Variants in RTTN observed in about 807,000 individuals in gnomAD.
RTTN encodes rotatin.
Under a neutral mutation model 269.2 loss-of-function variants are expected in RTTN, and 182 were observed. That is an observed-to-expected ratio of 0.68 (90% CI 0.60 to 0.76). The LOEUF is 0.76. Among genes scored for constraint, RTTN ranks in the 30% least tolerant of loss-of-function variants. The pLI, the probability that RTTN is intolerant of heterozygous loss-of-function variation, is 0.00. For synonymous variants in RTTN, 1,006 were observed against 963.5 expected (o/e 1.04, Z -0.82); for missense variants, 2,545 against 2,608.6 (o/e 0.98, Z 0.53).
Position 70,024,812 on chromosome 18 carries a change from G to C in RTTN, c.5860C>G (p.His1954Asp). The stretch of plus-strand genomic sequence containing the variant: ...ATCAAAATCCAAGGCCAGAGAGAGT[G>C]CAAGACAGGGACAAGGTGAGCTTCA... Reference protein sequence around the residue: ...ALEAHLVPVLHSLWPWILMDD... With the variant: ...ALEAHLVPVLDSLWPWILMDD... Residue 1954 changes from histidine (H) to aspartate (D), a missense_variant, in exon 44 of 49, where the codon CAC (histidine) becomes GAC (aspartate). Transcript: ENST00000640769. 6.2e-7 allele frequency: 1 copy of C among 1,613,774 alleles called. No individual in the cohort carries two copies. The highest frequency in any genetic ancestry group is 8.5e-7 in the Non-Finnish European group (1 of 1,179,664).
At chr18:70,067,590 A>G (rs7229842) in intron 34 of RTTN, among the ~76,000 whole-genome samples, 9,132 of 152,314 alleles carry the variant, frequency 0.06, 326 homozygotes, top group African/African-American at 0.1. Context: ...GCCAAGACTG[A>G]TATCACAAAC....
At chr18:70,027,529 A>T (rs931322988) in intron 43 of RTTN, among the ~76,000 whole-genome samples, 25 of 152,146 alleles carry the variant, frequency 1.6e-4, no homozygotes, top group Admixed American at 1.6e-3. Context: ...TTAGCACTTC[A>T]TAAATCTTTA....
chr18:70,050,117 A>G (rs1418196782), intron 39 of RTTN, among the ~76,000 whole-genome samples: 1 of 152,202 alleles, frequency 6.6e-6, no homozygotes, highest in African/African-American at 2.4e-5. Context: ...AAAACAAACT[A>G]TCATCAGAGT....
chr18:70,010,328 T>A (rs186822279), intron 46 of RTTN, among the ~76,000 whole-genome samples: 7 of 152,316 alleles, frequency 4.6e-5, no homozygotes, highest in African/African-American at 1.4e-4. Flanking sequence ...ACTGACCACA[T>A]ACTTGGAAGT....
At chr18:70,083,186 G>C (rs187478677) in intron 32 of RTTN, among the ~76,000 whole-genome samples, 16 of 152,128 alleles carry the variant, frequency 1.1e-4, no homozygotes, top group African/African-American at 3.9e-4. Context: ...GATGTCAAGG[G>C]AAGACAGGCC....
At chr18:70,120,491 G>C (rs1326323580) in intron 26 of RTTN, among the ~76,000 whole-genome samples, 2 of 152,084 alleles carry the variant, frequency 1.3e-5, no homozygotes, top group East Asian at 3.8e-4. Context: ...TTTCGCAAAT[G>C]TGTTAATATA....
At chr18:70,195,292 CA>C (rs1230320945) in intron 7 of RTTN, among the ~76,000 whole-genome samples, 3 of 152,238 alleles carry the variant, frequency 2.0e-5, no homozygotes, top group Admixed American at 2.0e-4. Context: ...CCCTTCAGGT[CA>C]CCTCCTCTGA....
intron 22 of RTTN, 34 bp from the exon 23 acceptor site, chr18:70,134,575 C>T: frequency 6.6e-7 from 1 of 1,508,284 alleles, no homozygotes; most frequent in South Asian, 1.2e-5. Flanking sequence ...AACAAAGAAA[C>T]AACTGAGTAG....
chr18:70,190,428 T>A (rs778922048), intron 9 of RTTN, 110 bp downstream of exon 9: 267 of 671,946 alleles, frequency 4.0e-4, no homozygotes, highest in Middle Eastern at 1.5e-3. Flanking sequence ...AAAAGATAAG[T>A]AAATACAGAT....
intron 37 of RTTN, among the ~76,000 whole-genome samples, chr18:70,055,107 C>A (rs1311856500): frequency 6.6e-6 from 1 of 152,082 alleles, no homozygotes; most frequent in Non-Finnish European, 1.5e-5. Flanking sequence ...ACAAAACCAT[C>A]TCTGGAATTT....
At chr18:70,069,024 A>T (rs2058224751) in intron 34 of RTTN, among the ~76,000 whole-genome samples, 1 of 152,172 alleles carries the variant, frequency 6.6e-6, no homozygotes, top group Non-Finnish European at 1.5e-5. Flanking sequence ...GCTGGGGAAA[A>T]GGGGAGATGT....
At chr18:70,082,845 C>T (rs1263669241) in intron 32 of RTTN, among the ~76,000 whole-genome samples, 1 of 152,038 alleles carries the variant, frequency 6.6e-6, no homozygotes, top group Non-Finnish European at 1.5e-5. Flanking sequence ...GTGCATGCCA[C>T]CATTCCAGGC....
In RTTN at chr18:70,188,129, G is replaced by A. The variant is rs1326003832; in HGVS notation, c.1284C>T (p.Ser428=). Reference sequence around the variant, plus strand: ...TTACCATATCTATACCAAAAAGGCTGCTGTCATCCCAGATATCTGTTGAAA... The same window carrying A: ...TTACCATATCTATACCAAAAAGGCTACTGTCATCCCAGATATCTGTTGAAA... ...EAISTDIWDD[S]SLFGIDMKEK... Residue 428 remains serine (S), a synonymous_variant, in exon 10 of 49, where the codon AGC becomes AGT. Transcript: ENST00000640769. 1 of 1,598,672 alleles carries A rather than the reference G, an allele frequency of 6.3e-7. No individual in the cohort carries two copies. The highest frequency in any genetic ancestry group is 1.3e-5 in the African/African-American group (1 of 74,692).
At chr18:70,154,469 T>C (rs1246825996) in intron 14 of RTTN, among the ~76,000 whole-genome samples, 12 of 152,178 alleles carry the variant, frequency 7.9e-5, no homozygotes, top group Admixed American at 7.9e-4. Flanking sequence ...CGGGGTATAA[T>C]AACTATCCCA....
chr18:70,177,816 G>A (rs1347998141), intron 10 of RTTN, among the ~76,000 whole-genome samples: 1 of 152,164 alleles, frequency 6.6e-6, no homozygotes, highest in Non-Finnish European at 1.5e-5. Context: ...AAAAATGGAA[G>A]CCTTGTGCAT....
intron 25 of RTTN, 90 bp from the exon 26 acceptor site, chr18:70,121,790 C>A: frequency 8.2e-7 from 1 of 1,224,120 alleles, no homozygotes; most frequent in Non-Finnish European, 1.1e-6. Context: ...TAACAGATGT[C>A]TTGTGAGGAT....
At chr18:70,082,736 G>T (rs1244054847) in intron 32 of RTTN, among the ~76,000 whole-genome samples, 2 of 152,094 alleles carry the variant, frequency 1.3e-5, no homozygotes, top group Non-Finnish European at 2.9e-5. Flanking sequence ...TGTCACCCAG[G>T]CTGCAGCACA....
chr18:70,199,516 A>G lies in RTTN; in HGVS notation c.488-12T>C. The G allele has an allele frequency of 1.3e-6, 2 of 1,553,806 alleles. No individual in the cohort carries two copies. The highest frequency in any genetic ancestry group is 1.8e-6 in the Non-Finnish European group (2 of 1,125,674). On this transcript the variant is annotated splice_polypyrimidine_tract_variant and intron_variant, in intron 4 of 48. Coordinates refer to ENST00000640769, the MANE Select transcript of RTTN (RefSeq NM_173630.4). ...CACAGTCTGATTTACTGTCAGTGAA[A>G]GAGCAAATCTTATGGTATCAAAGAA...
intron 40 of RTTN, among the ~76,000 whole-genome samples, chr18:70,044,790 T>C (rs928279096): frequency 3.3e-5 from 5 of 152,174 alleles, no homozygotes; most frequent in Non-Finnish European, 5.9e-5. Flanking sequence ...ATGGGTAAGC[T>C]AGACATAGCA....
Sources: allele counts gnomAD v4.1 joint callset (sites outside exome capture counted in the v4.1 genomes callset), GRCh38; gene constraint gnomAD v4.1.1; transcripts MANE v1.5; gene names NCBI Gene and HGNC (gene_info 2026-07-23, HGNC 2026-07-21).